PCDHA13: variants seen among roughly 807,000 people sequenced by gnomAD.
PCDHA13 encodes protocadherin alpha-13.
In PCDHA13, 54 loss-of-function variants were observed where a neutral mutation model predicts 64.8. The ratio of observed to expected loss-of-function variants is 0.83; its 90% CI spans 0.67 to 1.04. PCDHA13 has a LOEUF of 1.04. Among genes scored for constraint, PCDHA13 ranks in the 50% least tolerant of loss-of-function variants. The pLI is 0.00. For synonymous variants in PCDHA13, 587 were observed against 564.4 expected, an observed-to-expected ratio of 1.04 and a Z score of -0.57; for missense variants, 1,248 against 1,254.3, an observed-to-expected ratio of 0.99 and a Z score of 0.08.
At chr5:140,907,093 C>A (rs1303875069) in intron 1 of PCDHA13, among the ~76,000 whole-genome samples, 2 of 152,090 alleles carry the variant, frequency 1.3e-5, no homozygotes, top group Non-Finnish European at 2.9e-5. Flanking sequence ...GTAAGTGGTG[C>A]CACTTCCACT....
At chr5:140,892,550 A>G (rs1337911954) in intron 1 of PCDHA13, among the ~76,000 whole-genome samples, 1 of 152,202 alleles carries the variant, frequency 6.6e-6, no homozygotes, top group East Asian at 1.9e-4. Context: ...TTGTTTCTCT[A>G]GTCCTTGGAG....
intron 1 of PCDHA13, among the ~76,000 whole-genome samples, chr5:140,895,531 A>T (rs1433375510): frequency 6.6e-6 from 1 of 152,016 alleles, no homozygotes; most frequent in Non-Finnish European, 1.5e-5. Flanking sequence ...TTCGTTTTTC[A>T]ATTGTTGAGT....
chr5:140,902,488 G>T (rs1357036471), intron 1 of PCDHA13, among the ~76,000 whole-genome samples: 2 of 152,096 alleles, frequency 1.3e-5, no homozygotes, highest in African/African-American at 4.8e-5. Context: ...TGCTCAGTAT[G>T]ATACTAGCTG....
Position 140,928,044 on chromosome 5 carries a change from T to C in PCDHA13, c.2394+43382T>C, listed in dbSNP as rs782342331. The C allele has an allele frequency of 4.6e-5, 75 of 1,614,078 alleles. 1 individual carries two copies. The highest frequency in any genetic ancestry group is 3.0e-4 in the Admixed American group (18 of 60,006). On this transcript the variant is annotated intron_variant, in intron 1 of 3. Transcript: ENST00000289272. The stretch of plus-strand genomic sequence containing the variant: ...TTTGTGGCATGTCTAGTGCAGGCCC[T>C]TTTCAGCTGACGGCTTCCTTTGACA...
At chr5:140,954,938 GT>G (rs2095112203) in intron 1 of PCDHA13, among the ~76,000 whole-genome samples, 1 of 152,078 alleles carries the variant, frequency 6.6e-6, no homozygotes, top group Admixed American at 6.6e-5. Flanking sequence ...TTAATCTTGA[GT>G]TAATTTTTGT....
chr5:140,892,158 T>A (rs1442080527), intron 1 of PCDHA13, among the ~76,000 whole-genome samples: 2 of 152,242 alleles, frequency 1.3e-5, no homozygotes, highest in Non-Finnish European at 2.9e-5. Context: ...ATTTCTGATA[T>A]GTCCAGTAAC....
intron 1 of PCDHA13, among the ~76,000 whole-genome samples, chr5:140,950,043 A>G (rs1011500100): frequency 1.6e-4 from 25 of 151,950 alleles, no homozygotes; most frequent in Non-Finnish European, 3.4e-4. Context: ...TTACAACCAT[A>G]TAAGACTATT....
rs561153933 is a variant in PCDHA13, at chr5:140,927,279, G to A, written c.2394+42617G>A. Reference sequence around the variant, plus strand: ...CACCTCTCTTTCCTGCCGGCGACGTGCAGCTGCACATCCCCGAGTTCCTGA... The same window carrying A: ...CACCTCTCTTTCCTGCCGGCGACGTACAGCTGCACATCCCCGAGTTCCTGA... On this transcript the variant is annotated intron_variant, in intron 1 of 3. Transcript: ENST00000289272. 14 of 1,614,136 alleles carry A rather than the reference G, an allele frequency of 8.7e-6. 1 individual carries two copies. The South Asian group carries it at 1.4e-4, about 16-fold the overall frequency.
chr5:140,941,939 T>C (rs2153657014), intron 1 of PCDHA13, among the ~76,000 whole-genome samples: 1 of 152,358 alleles, frequency 6.6e-6, no homozygotes, highest in African/African-American at 2.4e-5. Context: ...TTTGAATTAC[T>C]TTTGTTTTGA....
chr5:140,883,414 T>C lies in PCDHA13; in HGVS notation c.1146T>C (p.Asn382=). Residue 382 remains asparagine (N), a synonymous_variant, in exon 1 of 4, where the codon AAT becomes AAC. Coordinates refer to ENST00000289272, the MANE Select transcript of PCDHA13 (RefSeq NM_018904.3). ...ISVSDRDSGS[N]GQVTCTLTPH... is the part of the protein sequence containing the mutation. The stretch of plus-strand genomic sequence containing the variant: ...TGTCCGATCGTGACTCTGGCTCAAA[T>C]GGACAGGTCACCTGCACCTTGACGC... 6.2e-7 allele frequency: 1 copy of C among 1,614,170 alleles called. No homozygotes were observed. The highest frequency in any genetic ancestry group is 1.1e-5 in the South Asian group (1 of 91,080).
chr5:140,914,022 C>T (rs1157309436), intron 1 of PCDHA13, among the ~76,000 whole-genome samples: 2 of 152,134 alleles, frequency 1.3e-5, no homozygotes, highest in African/African-American at 2.4e-5. Context: ...GAATGATCCA[C>T]GTGCTGAGAA....
At chr5:140,938,887 A>ACG (rs2092246756) in intron 1 of PCDHA13, among the ~76,000 whole-genome samples, 1 of 152,094 alleles carries the variant, frequency 6.6e-6, no homozygotes, top group South Asian at 2.1e-4. Flanking sequence ...ACACACACAC[A>ACG]CACAGATGCG....
intron 1 of PCDHA13, among the ~76,000 whole-genome samples, chr5:140,937,127 T>TC: frequency 6.7e-6 from 1 of 149,014 alleles, no homozygotes. Context: ...AAGCTCCGCC[T>TC]CCCGGGTTCA....
At chr5:140,966,997 G>A in intron 1 of PCDHA13, 3 of 1,604,812 alleles carry the variant, frequency 1.9e-6, no homozygotes, top group Non-Finnish European at 2.5e-6. Flanking sequence ...CGGGTTGCTT[G>A]CGCATCAACC....
chr5:140,980,762 T>C (rs1293384140), intron 2 of PCDHA13, among the ~76,000 whole-genome samples: 2 of 152,090 alleles, frequency 1.3e-5, no homozygotes, highest in Non-Finnish European at 2.9e-5. Context: ...AGAAATAAAA[T>C]AAAAATTGAA....
intron 1 of PCDHA13, among the ~76,000 whole-genome samples, chr5:140,884,876 C>A (rs1554181909): frequency 6.6e-6 from 1 of 152,096 alleles, no homozygotes; most frequent in African/African-American, 2.4e-5. Context: ...ATGAAATGTG[C>A]AAAACAAGAA....
chr5:140,932,975 A>G (rs2088770619), intron 1 of PCDHA13, among the ~76,000 whole-genome samples: 1 of 152,012 alleles, frequency 6.6e-6, no homozygotes, highest in African/African-American at 2.4e-5. Flanking sequence ...GGTTTTTACA[A>G]TGCTCAAATG....
intron 1 of PCDHA13, among the ~76,000 whole-genome samples, chr5:140,889,158 T>A (rs2062123549): frequency 6.6e-6 from 1 of 151,892 alleles, no homozygotes; most frequent in Non-Finnish European, 1.5e-5. Context: ...TCTTCTTTGT[T>A]AAGTATTCAA....
chr5:140,979,144 T>C, intron 2 of PCDHA13, 137 bp downstream of exon 2: 1 of 1,448,584 alleles, frequency 6.9e-7, no homozygotes. Flanking sequence ...GCAATTATTT[T>C]GTCCCCATGT....
Sources: allele counts gnomAD v4.1 joint callset (sites outside exome capture counted in the v4.1 genomes callset), GRCh38; gene constraint gnomAD v4.1.1; transcripts MANE v1.5; gene names NCBI Gene and HGNC (gene_info 2026-07-23, HGNC 2026-07-21).